CABIN1: variants seen among roughly 807,000 people sequenced by gnomAD.
CABIN1 encodes the protein calcineurin binding protein 1.
In CABIN1, 133 loss-of-function variants were observed where a neutral mutation model predicts 227.7. The observed-to-expected ratio is 0.58, with a 90% CI of 0.51 to 0.67. The LOEUF (loss-of-function observed/expected upper bound fraction) is 0.67, where lower values mean the gene tolerates loss of function less well. Ranked by LOEUF, CABIN1 falls within the 30% of genes least tolerant of loss-of-function variation. CABIN1 has a pLI of 0.00. For missense variants in CABIN1, 2,408 were observed against 2,852.5 expected (o/e 0.84, Z 3.55); for synonymous variants, 1,086 against 1,155.1 (o/e 0.94, Z 1.21).
intron 29 of CABIN1, among the ~76,000 whole-genome samples, chr22:24,138,351 TG>T (rs898356349): frequency 6.6e-6 from 1 of 152,178 alleles, no homozygotes; most frequent in African/African-American, 2.4e-5. Context: ...ACTACAGACA[TG>T]CACCACCATG....
At chr22:24,122,079 T>TA (rs1346298489) in intron 28 of CABIN1, among the ~76,000 whole-genome samples, 1 of 109,282 alleles carries the variant, frequency 9.2e-6, no homozygotes, top group Non-Finnish European at 1.7e-5. Flanking sequence ...ACTTCCCTGC[T>TA]AAATGGCTTT....
chr22:24,016,106 C>T (rs190532997), intron 1 of CABIN1, among the ~76,000 whole-genome samples: 2 of 152,330 alleles, frequency 1.3e-5, no homozygotes, highest in African/African-American at 2.4e-5. Context: ...ATTTTTATCA[C>T]CCTTAAAAGA....
At chr22:24,035,880 T>TC (rs1210520412) in intron 2 of CABIN1, among the ~76,000 whole-genome samples, 3 of 82,122 alleles carry the variant, frequency 3.7e-5, no homozygotes, top group African/African-American at 9.1e-5. Context: ...GGCATAACCC[T>TC]CCCCCCTCGG....
intron 24 of CABIN1, among the ~76,000 whole-genome samples, chr22:24,094,741 C>T (rs1203031758): frequency 2.7e-5 from 4 of 146,656 alleles, no homozygotes; most frequent in South Asian, 2.2e-4. Flanking sequence ...GGCGTGAACC[C>T]GGGAAGCGGA....
chr22:24,162,977 C>T (rs1465574472), intron 29 of CABIN1, among the ~76,000 whole-genome samples: 2 of 152,156 alleles, frequency 1.3e-5, no homozygotes, highest in Admixed American at 6.5e-5. Flanking sequence ...AGTGTCTGCC[C>T]ATTCTGGTGC....
At chr22:24,076,059 A>G (rs1048838955) in intron 18 of CABIN1, 110 bp from the exon 19 acceptor site, 4 of 732,932 alleles carry the variant, frequency 5.5e-6, no homozygotes, top group African/African-American at 3.5e-5. Context: ...GTCTGTAGTC[A>G]TGTTGATAAA....
intron 19 of CABIN1, among the ~76,000 whole-genome samples, chr22:24,082,083 C>CTATTT (rs1485417323): frequency 7.0e-6 from 1 of 142,388 alleles, no homozygotes; most frequent in African/African-American, 2.6e-5. Flanking sequence ...TTTATTCTCT[C>CTATTT]TCTTTTTTTT....
At chr22:24,055,701 G>A (rs2038741247) in intron 9 of CABIN1, among the ~76,000 whole-genome samples, 1 of 152,252 alleles carries the variant, frequency 6.6e-6, no homozygotes, top group Admixed American at 6.5e-5. Flanking sequence ...ATATCTGGCA[G>A]ATATAGAAGT....
intron 15 of CABIN1, among the ~76,000 whole-genome samples, chr22:24,065,103 G>T (rs1479427995): frequency 6.7e-6 from 1 of 150,336 alleles, no homozygotes; most frequent in Non-Finnish European, 1.5e-5. Flanking sequence ...CCGGGCAGAG[G>T]CGCCCCTCAC....
chr22:24,055,249 G>A (rs2038697128), intron 9 of CABIN1, 90 bp downstream of exon 9: 1 of 1,437,278 alleles, frequency 7.0e-7, no homozygotes, highest in Non-Finnish European at 9.5e-7. Flanking sequence ...TGCCTCCCTA[G>A]ACAGAAGGGT....
intron 26 of CABIN1, among the ~76,000 whole-genome samples, chr22:24,104,582 T>G (rs1231159906): frequency 1.3e-5 from 2 of 152,232 alleles, no homozygotes; most frequent in Admixed American, 1.3e-4. Flanking sequence ...AATGCCGTCA[T>G]GCCCACCTGC....
chr22:24,138,879 C>T (rs1176828299), intron 29 of CABIN1, among the ~76,000 whole-genome samples: 1 of 152,216 alleles, frequency 6.6e-6, no homozygotes, highest in Non-Finnish European at 1.5e-5. Flanking sequence ...GCCCTCTCTG[C>T]AGCATTCCTT....
In CABIN1 at chr22:24,095,199, C is replaced by T. The variant is rs554396202; in HGVS notation, c.3787-732C>T. On this transcript the variant is annotated intron_variant, in intron 24 of 36. Coordinates refer to ENST00000263119, the MANE Select transcript of CABIN1 (RefSeq NM_012295.4). ...TTAGCCAGGGCCTGCAATGGCAGTT[C>T]TCAGCCCTCATACCACCCACTGTGC... Among the ~76,000 whole-genome samples, 4 of 152,352 alleles carry T rather than the reference C, an allele frequency of 2.6e-5. No homozygotes were observed. The South Asian group carries it at 8.3e-4, about 32-fold the overall frequency.
At chr22:24,111,339 G>A (rs1274202703) in intron 26 of CABIN1, among the ~76,000 whole-genome samples, 3 of 152,130 alleles carry the variant, frequency 2.0e-5, no homozygotes, top group Non-Finnish European at 4.4e-5. Flanking sequence ...GTTAGGAACT[G>A]GGCTGCACAG....
intron 6 of CABIN1, among the ~76,000 whole-genome samples, chr22:24,045,969 A>G (rs1049064313): frequency 1.3e-5 from 2 of 152,246 alleles, no homozygotes; most frequent in Admixed American, 6.5e-5. Context: ...ATGTGAAAAC[A>G]TGTCAAGATA....
intron 29 of CABIN1, among the ~76,000 whole-genome samples, chr22:24,141,152 G>A (rs889987984): frequency 6.6e-6 from 1 of 152,244 alleles, no homozygotes; most frequent in Non-Finnish European, 1.5e-5. Context: ...GGAGCAGGAG[G>A]AGCTCCAACT....
intron 6 of CABIN1, 120 bp from the exon 7 acceptor site, chr22:24,048,971 C>T: frequency 8.5e-7 from 1 of 1,172,482 alleles, no homozygotes. Context: ...AGTGGTATCT[C>T]ATTATTTTTT....
intron 29 of CABIN1, chr22:24,155,981 C>T: frequency 3.6e-6 from 2 of 553,518 alleles, no homozygotes; most frequent in East Asian, 3.5e-5. Context: ...TGCCCCGCCC[C>T]GGCCCGCCGC....
In CABIN1 at chr22:24,083,332, C is replaced by T. The variant is rs1310618284; in HGVS notation, c.2853C>T (p.Tyr951=). Reference sequence around the variant, plus strand: ...TGGAGCAGTGCTTCTACTGCCTGTACAGCTTCCCCAGCAAGAAGAGTAAGG... The same window carrying T: ...TGGAGCAGTGCTTCTACTGCCTGTATAGCTTCCCCAGCAAGAAGAGTAAGG... ...TALEQCFYCL[Y]SFPSKKSKAR... is the part of the protein sequence containing the mutation. Residue 951 remains tyrosine (Y), a synonymous_variant, in exon 20 of 37, where the codon TAC becomes TAT. Transcript: ENST00000263119. The T allele has an allele frequency of 1.2e-6, 2 of 1,613,960 alleles. No homozygotes were observed. The highest frequency in any genetic ancestry group is 1.7e-6 in the Non-Finnish European group (2 of 1,180,036).
Sources: allele counts gnomAD v4.1 joint callset (sites outside exome capture counted in the v4.1 genomes callset), GRCh38; gene constraint gnomAD v4.1.1; transcripts MANE v1.5; gene names NCBI Gene and HGNC (gene_info 2026-07-23, HGNC 2026-07-21).